METTL15: variants seen among roughly 807,000 people sequenced by gnomAD.
METTL15 encodes methyltransferase 15, mitochondrial 12S rRNA N4-cytidine, also known as 12S rRNA N(4)-cytidine methyltransferase METTL15.
A neutral mutation model predicts 38.3 loss-of-function variants in METTL15; 34 were observed. The observed-to-expected ratio is 0.89, with a 90% CI of 0.68 to 1.18. METTL15 has a LOEUF of 1.18. Ranked by LOEUF, METTL15 falls within the 50% of genes most tolerant of loss-of-function variation. The probability of loss-of-function intolerance (pLI) is 0.00; values close to 1 mark genes in which losing one functional copy is unlikely to be tolerated. For missense variants in METTL15, 438 were observed against 498.4 expected (o/e 0.88, Z 1.15); for synonymous variants, 162 against 170.9 (o/e 0.95, Z 0.41).
chr11:28,269,422 T>C (rs1235343124), intron 4 of METTL15, among the ~76,000 whole-genome samples: 1 of 152,112 alleles, frequency 6.6e-6, no homozygotes, highest in African/African-American at 2.4e-5. Context: ...TTCATATTTA[T>C]TTTAACATTA....
intron 4 of METTL15, among the ~76,000 whole-genome samples, chr11:28,242,527 A>G (rs1289555457): frequency 2.0e-5 from 3 of 152,218 alleles, no homozygotes; most frequent in South Asian, 4.1e-4. Flanking sequence ...TAAGAAAATG[A>G]TTGTATCCAA....
intron 6 of METTL15, among the ~76,000 whole-genome samples, chr11:28,490,089 G>A (rs896315608): frequency 2.0e-5 from 3 of 152,152 alleles, no homozygotes; most frequent in African/African-American, 7.2e-5. Context: ...TGGATAAGGA[G>A]TGAGGAAGAT....
chr11:28,192,736 A>G (rs923917506), intron 3 of METTL15, among the ~76,000 whole-genome samples: 3 of 152,018 alleles, frequency 2.0e-5, no homozygotes, highest in African/African-American at 2.4e-5. Flanking sequence ...GGGTATCTCA[A>G]TAGTAGAGAC....
intron 4 of METTL15, among the ~76,000 whole-genome samples, chr11:28,243,790 G>A (rs529862727): frequency 4.6e-5 from 7 of 152,084 alleles, no homozygotes; most frequent in South Asian, 2.1e-4. Flanking sequence ...GTCTTCCCCC[G>A]GAGAATGTCA....
intron 5 of METTL15, among the ~76,000 whole-genome samples, chr11:28,371,026 T>G (rs1260937895): frequency 6.6e-6 from 1 of 152,102 alleles, no homozygotes; most frequent in Non-Finnish European, 1.5e-5. Context: ...TATTGATTGT[T>G]TTCTTTGCTC....
At chr11:28,199,037 T>C (rs565539500) in intron 3 of METTL15, among the ~76,000 whole-genome samples, 1 of 152,074 alleles carries the variant, frequency 6.6e-6, no homozygotes, top group East Asian at 1.9e-4. Context: ...ATCCCTCTCT[T>C]AACACTGACC....
At chr11:28,129,805 G>C (rs191579792) in intron 3 of METTL15, among the ~76,000 whole-genome samples, 3 of 152,204 alleles carry the variant, frequency 2.0e-5, no homozygotes, top group Admixed American at 2.0e-4. Flanking sequence ...GCATTGTGTT[G>C]GGGGATCTGG....
intron 3 of METTL15, among the ~76,000 whole-genome samples, chr11:28,116,094 A>G (rs1488902838): frequency 3.3e-5 from 5 of 152,118 alleles, no homozygotes; most frequent in African/African-American, 1.2e-4. Context: ...ACCTTATATC[A>G]TAATCTAGAT....
chr11:28,240,731 GA>G (rs755303027), intron 4 of METTL15, among the ~76,000 whole-genome samples: 169 of 152,074 alleles, frequency 1.1e-3, no homozygotes, highest in Non-Finnish European at 1.7e-3. Flanking sequence ...AATTTAACTT[GA>G]ATCGGTCTTA....
intron 5 of METTL15, among the ~76,000 whole-genome samples, chr11:28,404,658 C>T (rs1275980127): frequency 1.3e-5 from 2 of 152,074 alleles, no homozygotes; most frequent in Non-Finnish European, 2.9e-5. Context: ...CAGATTATAA[C>T]AGACCCTTTG....
intron 6 of METTL15, among the ~76,000 whole-genome samples, chr11:28,524,310 A>G (rs576369740): frequency 6.6e-6 from 1 of 152,366 alleles, no homozygotes; most frequent in Non-Finnish European, 1.5e-5. Context: ...ATTAGATTAA[A>G]GGTATGTGGC....
chr11:28,213,112 T>A (rs1852711684), intron 4 of METTL15, among the ~76,000 whole-genome samples: 1 of 152,192 alleles, frequency 6.6e-6, no homozygotes, highest in Non-Finnish European at 1.5e-5. Context: ...CTAGCCTCAT[T>A]TTATTAAATA....
intron 4 of METTL15, 115 bp downstream of exon 4, chr11:28,211,313 T>C: frequency 1.2e-6 from 1 of 862,084 alleles, no homozygotes; most frequent in Non-Finnish European, 1.7e-6. Flanking sequence ...CCAGTAAATA[T>C]TTTCTTCTTT....
chr11:28,354,766 A>T (rs375875323), intron 4 of METTL15, among the ~76,000 whole-genome samples: 2 of 152,232 alleles, frequency 1.3e-5, no homozygotes, highest in East Asian at 3.9e-4. Flanking sequence ...TCTTTTTTTC[A>T]ATTTACAAAA....
chr11:28,514,690 T>G (rs1480025342), intron 6 of METTL15, among the ~76,000 whole-genome samples: 1 of 152,220 alleles, frequency 6.6e-6, no homozygotes, highest in Non-Finnish European at 1.5e-5. Context: ...GTTGACACCT[T>G]CTATATCCCA....
At chr11:28,375,866 G>T (rs1455956367) in intron 5 of METTL15, among the ~76,000 whole-genome samples, 2 of 151,406 alleles carry the variant, frequency 1.3e-5, no homozygotes, top group African/African-American at 2.4e-5. Flanking sequence ...GGTATGTTGT[G>T]TCTTTGTTCT....
chr11:28,394,394 C>T (rs1850546836), intron 5 of METTL15, among the ~76,000 whole-genome samples: 1 of 152,046 alleles, frequency 6.6e-6, no homozygotes, highest in Non-Finnish European at 1.5e-5. Context: ...ATTTGCACAG[C>T]TCTAATGGTC....
intron 6 of METTL15, among the ~76,000 whole-genome samples, chr11:28,488,094 A>G (rs1851452957): frequency 6.6e-6 from 1 of 152,164 alleles, no homozygotes; most frequent in Non-Finnish European, 1.5e-5. Flanking sequence ...TTTATACAAC[A>G]GTTTCCAACT....
intron 6 of METTL15, among the ~76,000 whole-genome samples, chr11:28,315,873 G>A (rs1033536495): frequency 6.6e-6 from 1 of 152,372 alleles, no homozygotes; most frequent in Non-Finnish European, 1.5e-5. Flanking sequence ...TGTTGAGCCT[G>A]TGGGTGCACA....
Sources: gnomAD v4.1 joint callset for allele counts (sites outside exome capture counted in the v4.1 genomes callset) on GRCh38, gnomAD v4.1.1 for gene constraint, MANE v1.5 for transcripts, NCBI Gene and HGNC (gene_info 2026-07-23, HGNC 2026-07-21) for gene names.